ST7: variants seen among roughly 807,000 people sequenced by gnomAD.
ST7 encodes the protein suppressor of tumorigenicity 7 protein.
Under a neutral mutation model 78.7 loss-of-function variants are expected in ST7, and 28 were observed. That is an observed-to-expected ratio of 0.36 (90% CI 0.26 to 0.49). ST7 has a LOEUF of 0.49. ST7 is among the 20% of genes least tolerant of loss of function. ST7 has a pLI of 0.99. For missense variants in ST7, 418 were observed against 696.0 expected, an observed-to-expected ratio of 0.60 and a Z score of 4.49; for synonymous variants, 247 against 249.6, an observed-to-expected ratio of 0.99 and a Z score of 0.10.
chr7:117,104,176 C>A (rs1012056324), intron 2 of ST7, among the ~76,000 whole-genome samples: 9 of 152,190 alleles, frequency 5.9e-5, no homozygotes, highest in Admixed American at 2.6e-4. Context: ...TGCAGTGGCT[C>A]ACGCCTGCAA....
intron 1 of ST7, among the ~76,000 whole-genome samples, chr7:116,980,710 T>C (rs950319016): frequency 7.2e-5 from 11 of 152,142 alleles, no homozygotes; most frequent in Admixed American, 7.2e-4. Context: ...TACAGTACAG[T>C]TTTTTCTTCC....
At chr7:117,072,235 A>G (rs1799010815) in intron 1 of ST7, 2 of 152,208 alleles carry the variant, frequency 1.3e-5, no homozygotes, top group African/African-American at 4.8e-5. Context: ...AGTGAGTGAG[A>G]TCAACATTTG....
Position 117,169,127 on chromosome 7 carries a change from A to G in ST7, c.964-1735A>G, listed in dbSNP as rs200145208. On this transcript the variant is annotated intron_variant, in intron 9 of 15. Transcript: ENST00000323984. ...AGATAAGATTTTACCTTCTTTTTTT[A>G]ATCTTCTTCCTTTTTTTTTTTTTTT... Among the ~76,000 whole-genome samples the G allele has an allele frequency of 8.8e-5, 10 of 114,064 alleles. No homozygotes were observed. In the South Asian group the frequency reaches 2.5e-3, roughly 28 times the overall value. 74.8% of individuals were successfully genotyped at this position (114,064 alleles called of 152,430 possible).
chr7:117,013,432 T>G lies in ST7; in HGVS notation c.151+59741T>G, dbSNP rs142669345. ...GGTGAAGTTGATGAGAATTAACAGC[T>G]TTTGACTGTAGCAGATTGGTGGTAT... On this transcript the variant is annotated intron_variant, in intron 1 of 15. Coordinates refer to ENST00000323984, the MANE Select transcript of ST7 (RefSeq NM_001369598.1). 2.8e-3 allele frequency among the ~76,000 whole-genome samples: 421 copies of G among 152,302 alleles called. 1 individual carries two copies. Among genetic ancestry groups the G allele is most frequent in the African/African-American group, 9.1e-3 (380 of 41,564 alleles).
intron 1 of ST7, among the ~76,000 whole-genome samples, chr7:117,056,708 T>C (rs947957643): frequency 1.3e-5 from 2 of 151,948 alleles, no homozygotes; most frequent in African/African-American, 4.8e-5. Context: ...AGAAAGGATC[T>C]TACACAAAAT....
chr7:117,227,817 T>C (rs184426130), intron 15 of ST7, among the ~76,000 whole-genome samples: 130 of 152,266 alleles, frequency 8.5e-4, no homozygotes, highest in Non-Finnish European at 1.5e-3. Flanking sequence ...GGTGGTTTTG[T>C]GCACTCAACA....
At chr7:116,958,560 C>G in intron 1 of ST7, 1 of 468,994 alleles carries the variant, frequency 2.1e-6, no homozygotes. Context: ...ATGTTCTTCC[C>G]TATCTGTAAA....
At chr7:117,103,530 A>C (rs556070381) in intron 2 of ST7, among the ~76,000 whole-genome samples, 1 of 152,228 alleles carries the variant, frequency 6.6e-6, no homozygotes, top group Non-Finnish European at 1.5e-5. Flanking sequence ...AATGTGCTGG[A>C]AAAACTGAAT....
At chr7:117,038,137 A>G (rs970205538) in intron 1 of ST7, among the ~76,000 whole-genome samples, 1 of 152,240 alleles carries the variant, frequency 6.6e-6, no homozygotes, top group African/African-American at 2.4e-5. Context: ...AAAAACTCCC[A>G]GTACACTAAA....
intron 1 of ST7, among the ~76,000 whole-genome samples, chr7:116,986,803 A>G (rs1050466832): frequency 2.0e-5 from 3 of 152,226 alleles, no homozygotes; most frequent in African/African-American, 7.2e-5. Context: ...ATTTAAAGTC[A>G]TGGGATTAGA....
intron 9 of ST7, among the ~76,000 whole-genome samples, chr7:117,147,539 AT>A (rs1368087242): frequency 6.6e-6 from 1 of 151,964 alleles, no homozygotes; most frequent in Non-Finnish European, 1.5e-5. Context: ...TAATTTAAAA[AT>A]ACTATGTAGT....
At chr7:117,209,058 A>G (rs548721956) in intron 12 of ST7, among the ~76,000 whole-genome samples, 1 of 152,276 alleles carries the variant, frequency 6.6e-6, no homozygotes, top group African/African-American at 2.4e-5. Context: ...AAACAAAAGA[A>G]TAAAAATGGA....
rs116113346 is a variant in ST7, at chr7:117,188,326, G to C, written c.1079-995G>C. 3.9e-3 allele frequency among the ~76,000 whole-genome samples: 597 copies of C among 152,260 alleles called. 5 individuals carry two copies. The highest frequency in any genetic ancestry group is 0.013 in the African/African-American group (531 of 41,544). On this transcript the variant is annotated intron_variant, in intron 10 of 15. Transcript: ENST00000323984. ...AAGAAACTCGCAGGGCATTCCAGGG[G>C]CAAAGAGTTCCTCTAACCTAGAATG...
intron 1 of ST7, among the ~76,000 whole-genome samples, chr7:117,086,342 C>G (rs961329567): frequency 6.6e-6 from 1 of 152,192 alleles, no homozygotes; most frequent in African/African-American, 2.4e-5. Context: ...CTCATTCAAA[C>G]CTAGGACTGT....
chr7:117,149,698 G>A (rs1239261856), intron 9 of ST7, among the ~76,000 whole-genome samples: 2 of 139,076 alleles, frequency 1.4e-5, no homozygotes, highest in Non-Finnish European at 3.1e-5. Flanking sequence ...CTTAAAACTT[G>A]GTTCTGCTTC....
At position 117,134,178 on chromosome 7, in the gene ST7, A is replaced by C. The variant is rs564001918; in HGVS notation, c.696A>C (p.Ile232=). The change falls in exon 7 of 16, where the codon ATA becomes ATC. Residue 232 remains isoleucine, a synonymous_variant. Coordinates refer to ENST00000323984, the MANE Select transcript of ST7 (RefSeq NM_001369598.1). The part of the protein sequence containing the change: ...PLIASSTIWE[I]KLLPKCATAY... ...TTGCTTCCTCTACCATCTGGGAGAT[A>C]AAATTGTTACCAAAGTAAGTCAAGA... 1 of 1,612,088 alleles carries C rather than the reference A, an allele frequency of 6.2e-7. No homozygotes were observed. The highest frequency in any genetic ancestry group is 2.2e-5 in the East Asian group (1 of 44,828).
At chr7:117,043,601 A>G (rs982904267) in intron 1 of ST7, among the ~76,000 whole-genome samples, 1 of 152,182 alleles carries the variant, frequency 6.6e-6, no homozygotes, top group Non-Finnish European at 1.5e-5. Flanking sequence ...CCTTTAACCA[A>G]TGGAAGCTTG....
chr7:116,998,138 C>G (rs1794754776), intron 1 of ST7, among the ~76,000 whole-genome samples: 1 of 152,230 alleles, frequency 6.6e-6, no homozygotes, highest in Admixed American at 6.5e-5. Context: ...CTGAGCCCTG[C>G]CCACTGGGGA....
At chr7:117,055,259 G>C (rs1798002352) in intron 1 of ST7, among the ~76,000 whole-genome samples, 2 of 152,172 alleles carry the variant, frequency 1.3e-5, no homozygotes, top group South Asian at 4.1e-4. Context: ...CTGTAGCGCA[G>C]TGGCATGATC....
Sources: gnomAD v4.1 joint callset for allele counts (sites outside exome capture counted in the v4.1 genomes callset) on GRCh38, gnomAD v4.1.1 for gene constraint, MANE v1.5 for transcripts, NCBI Gene and HGNC (gene_info 2026-07-23, HGNC 2026-07-21) for gene names.